SRGAP2: variants seen among roughly 807,000 people sequenced by gnomAD.
SRGAP2 encodes the protein SLIT-ROBO Rho GTPase activating protein 2, also known as SLIT-ROBO Rho GTPase-activating protein 2.
Under a neutral mutation model 57.2 loss-of-function variants are expected in SRGAP2, and 15 were observed. That is an observed-to-expected ratio of 0.26 (90% CI 0.18 to 0.40). The LOEUF is 0.40. Among genes scored for constraint, SRGAP2 ranks in the 10% least tolerant of loss-of-function variants. The probability of loss-of-function intolerance (pLI) is 1.00; values close to 1 mark genes in which losing one functional copy is unlikely to be tolerated. For synonymous variants in SRGAP2, 249 were observed against 248.0 expected (o/e 1.00, Z -0.04); for missense variants, 520 against 669.6 (o/e 0.78, Z 2.47).
chr1:206,416,258 G>A (rs1445618899), intron 11 of SRGAP2, among the ~76,000 whole-genome samples: 1 of 152,166 alleles, frequency 6.6e-6, no homozygotes, highest in Non-Finnish European at 1.5e-5. Context: ...GCCACGACTA[G>A]GGTAGAGAGG....
chr1:206,256,297 C>T (rs1421072130), intron 2 of SRGAP2, among the ~76,000 whole-genome samples: 2 of 152,180 alleles, frequency 1.3e-5, no homozygotes, highest in African/African-American at 4.8e-5. Flanking sequence ...TCCTTACTTC[C>T]CAGCTGAACA....
At chr1:206,224,397 C>T (rs1271593607) in intron 2 of SRGAP2, among the ~76,000 whole-genome samples, 2 of 145,148 alleles carry the variant, frequency 1.4e-5, no homozygotes, top group African/African-American at 2.8e-5. Flanking sequence ...AGGAAAAAAG[C>T]CTACCTATAC....
intron 3 of SRGAP2, among the ~76,000 whole-genome samples, chr1:206,323,325 G>A (rs1160655388): frequency 6.6e-6 from 1 of 152,182 alleles, no homozygotes; most frequent in African/African-American, 2.4e-5. Flanking sequence ...GCAGATTCAG[G>A]AGAAGTGAGA....
chr1:206,305,331 C>T (rs1332428292), intron 3 of SRGAP2, among the ~76,000 whole-genome samples: 3 of 151,684 alleles, frequency 2.0e-5, no homozygotes, highest in Admixed American at 6.6e-5. Context: ...CCACTATACC[C>T]GAGCCAAACA....
At chr1:206,456,265 A>G (rs1663823211) in intron 21 of SRGAP2, 2 of 152,174 alleles carry the variant, frequency 1.3e-5, no homozygotes, top group South Asian at 4.2e-4. Context: ...AAGTTAGTAA[A>G]GTCGTTTATT....
rs568267713 is a variant in SRGAP2, at chr1:206,408,715, A to C, written c.1356+2141A>C. Among the ~76,000 whole-genome samples the C allele has an allele frequency of 9.8e-3, 1,450 of 147,458 alleles. 142 individuals carry two copies. Among genetic ancestry groups the C allele is most frequent in the African/African-American group, 0.037 (1,383 of 37,306 alleles). On this transcript the variant is annotated intron_variant, in intron 10 of 22. Coordinates refer to ENST00000573034, the MANE Select transcript of SRGAP2 (RefSeq NM_015326.5). ...TTGTCAGAATTACTTTTTGGCTCTA[A>C]ATGAATTCTGTAACATTTGTTTTCT...
rs1336620876 is a variant in SRGAP2 at position 206,462,860 on chromosome 1, C to T, written c.*1440C>T. On this transcript the variant is annotated 3_prime_UTR_variant, in exon 23 of 23. Transcript: ENST00000573034. ...AAACCTGGTGCCTGTGCTCCTGGCC[C>T]CCCTAGCATCATGCTATCCCAGGAG... The T allele has an allele frequency of 6.6e-6, 1 of 152,228 alleles. No homozygotes were observed. Among genetic ancestry groups the T allele is most frequent in the Non-Finnish European group, 1.5e-5 (1 of 68,050 alleles). 9.4% of individuals were successfully genotyped at this position (152,228 alleles called of 1,614,324 possible).
chr1:206,256,355 A>C (rs1669184451), intron 2 of SRGAP2, among the ~76,000 whole-genome samples: 1 of 152,196 alleles, frequency 6.6e-6, no homozygotes, highest in Non-Finnish European at 1.5e-5. Context: ...CATACCCATC[A>C]GGCTAAATTA....
intron 22 of SRGAP2, among the ~76,000 whole-genome samples, chr1:206,459,634 G>C (rs1410293866): frequency 1.3e-5 from 2 of 152,168 alleles, no homozygotes; most frequent in Non-Finnish European, 2.9e-5. Context: ...ACTCCAAGCA[G>C]TTCACTCAGA....
intron 4 of SRGAP2, among the ~76,000 whole-genome samples, chr1:206,351,868 T>C (rs1377628232): frequency 6.6e-6 from 1 of 152,266 alleles, no homozygotes. Flanking sequence ...GCATCAAAGA[T>C]GTCTGTAGTC....
intron 17 of SRGAP2, among the ~76,000 whole-genome samples, chr1:206,445,768 T>C (rs782182495): frequency 7.2e-5 from 11 of 152,114 alleles, no homozygotes; most frequent in Non-Finnish European, 1.3e-4. Flanking sequence ...TGGCCTTTGA[T>C]AGATAAGATC....
chr1:206,401,752 G>C (rs2103141188), intron 8 of SRGAP2, 107 bp downstream of exon 8: 1 of 627,102 alleles, frequency 1.6e-6, no homozygotes, highest in Admixed American at 2.9e-5. Context: ...CCTGGGCCCG[G>C]CTTTTTGTCA....
At chr1:206,337,147 C>G (rs1553333887) in intron 3 of SRGAP2, among the ~76,000 whole-genome samples, 2 of 149,648 alleles carry the variant, frequency 1.3e-5, no homozygotes, top group Non-Finnish European at 2.9e-5. Context: ...TTTTGGCAAT[C>G]TGTGCTCCCT....
At chr1:206,451,574 A>AG (rs1376768116) in intron 19 of SRGAP2, among the ~76,000 whole-genome samples, 1 of 151,772 alleles carries the variant, frequency 6.6e-6, no homozygotes, top group Non-Finnish European at 1.5e-5. Context: ...CTTTCAAAGG[A>AG]GAAAAAAAAA....
In SRGAP2 at chr1:206,372,968, T is replaced by TTC. The variant is rs1654765005; in HGVS notation, c.424-11046_424-11045insTC. Among the ~76,000 whole-genome samples the TTC allele has an allele frequency of 8.1e-4, 14 of 17,258 alleles. 2 individuals carry two copies. Among genetic ancestry groups the TTC allele is most frequent in the South Asian group, 6.7e-3 (3 of 450 alleles). The allele number at this position is 17,258 out of a possible 152,430, so 11.3% of individuals were successfully genotyped here. ...CTTTCTTTCTTTCTTTTCTTTCCTT[T>TTC]CTTTCTTTCTTTCTTTCTTTCTTTC... is the stretch of plus-strand genomic sequence containing the variant. On this transcript the variant is annotated intron_variant, in intron 4 of 22. Coordinates refer to ENST00000573034, the MANE Select transcript of SRGAP2 (RefSeq NM_015326.5).
At chr1:206,249,829 A>G (rs1355980852) in intron 2 of SRGAP2, among the ~76,000 whole-genome samples, 3 of 149,906 alleles carry the variant, frequency 2.0e-5, no homozygotes, top group Non-Finnish European at 4.5e-5. Context: ...CATATTTCCT[A>G]TTTGATGTCT....
At chr1:206,404,487 T>C (rs1399011098) in intron 8 of SRGAP2, among the ~76,000 whole-genome samples, 1 of 151,404 alleles carries the variant, frequency 6.6e-6, no homozygotes, top group African/African-American at 2.4e-5. Context: ...TCTCTCAGCC[T>C]TCTGCTCCTC....
chr1:206,241,266 T>A (rs576172998), intron 2 of SRGAP2, among the ~76,000 whole-genome samples: 2,772 of 151,042 alleles, frequency 0.018, no homozygotes, highest in African/African-American at 0.065. Flanking sequence ...TAACTGTGGG[T>A]GTTCATAGTT....
chr1:206,242,148 A>G (rs559658317), intron 2 of SRGAP2, among the ~76,000 whole-genome samples: 193 of 151,958 alleles, frequency 1.3e-3, no homozygotes, highest in African/African-American at 4.4e-3. Flanking sequence ...ACCAGTAGAC[A>G]TTCTTTTCCA....
Sources: allele counts gnomAD v4.1 joint callset (sites outside exome capture counted in the v4.1 genomes callset), GRCh38; gene constraint gnomAD v4.1.1; transcripts MANE v1.5; gene names NCBI Gene and HGNC (gene_info 2026-07-23, HGNC 2026-07-21).